Variants in NHSL2 observed in about 807,000 individuals in gnomAD.
NHSL2 encodes NHS-like protein 2.
Under a neutral mutation model 53.4 loss-of-function variants are expected in NHSL2, and 27 were observed. That is an observed-to-expected ratio of 0.51 (90% CI 0.37 to 0.70). The LOEUF is 0.70. NHSL2 is among the 30% of genes least tolerant of loss of function. The pLI, the probability that NHSL2 is intolerant of heterozygous loss-of-function variation, is 0.00. For missense variants in NHSL2, 892 were observed against 980.1 expected (o/e 0.91, Z 1.20); for synonymous variants, 408 against 404.1 (o/e 1.01, Z -0.12).
intron 1 of NHSL2, among the ~76,000 whole-genome samples, chrX:72,009,723 A>G (rs2042108442): frequency 8.9e-6 from 1 of 112,378 alleles, no homozygotes; most frequent in Non-Finnish European, 1.9e-5. Flanking sequence ...TCCCTTGCCT[A>G]TCGTTGGCTC....
At chrX:71,935,002 CG>C (rs1460908464) in intron 1 of NHSL2, among the ~76,000 whole-genome samples, 1 of 110,901 alleles carries the variant, frequency 9.0e-6, no homozygotes, top group African/African-American at 3.3e-5. Flanking sequence ...CTGGCAGGAC[CG>C]TTTTTTTGTT....
intron 1 of NHSL2, among the ~76,000 whole-genome samples, chrX:71,943,970 A>G (rs1037240663): frequency 1.8e-5 from 2 of 112,018 alleles, no homozygotes; most frequent in Non-Finnish European, 3.8e-5. Context: ...AAGAAGGAGC[A>G]AAGGTTTTCT....
chrX:71,950,191 C>T (rs758491322), intron 1 of NHSL2, among the ~76,000 whole-genome samples: 68 of 113,077 alleles, frequency 6.0e-4, no homozygotes, highest in African/African-American at 2.1e-3. Flanking sequence ...TTTGTCCAGC[C>T]AGGGGCATAC....
chrX:72,131,599 G>C (rs953539445), intron 1 of NHSL2: 1 of 1,084,185 alleles, frequency 9.2e-7, no homozygotes, highest in Admixed American at 3.2e-5. Flanking sequence ...TGGAACTACG[G>C]GCGGCCGGAG....
intron 1 of NHSL2, among the ~76,000 whole-genome samples, chrX:71,963,960 C>T (rs77479319): frequency 0.48 from 2,276 of 4,701 alleles, 135 homozygotes; most frequent in East Asian, 0.65. Flanking sequence ...TATATATATA[C>T]ACATATATAT....
intron 1 of NHSL2, among the ~76,000 whole-genome samples, chrX:72,066,577 A>T (rs1182744669): frequency 1.8e-5 from 2 of 111,392 alleles, no homozygotes; most frequent in African/African-American, 6.6e-5. Context: ...AGAAGCTCAG[A>T]TGAGAAGAGG....
intron 1 of NHSL2, chrX:72,069,803 C>T: frequency 1.4e-6 from 1 of 719,362 alleles, no homozygotes. Flanking sequence ...GCCAGGGCCT[C>T]CCAGCTGCTG....
intron 1 of NHSL2, among the ~76,000 whole-genome samples, chrX:71,964,331 G>A (rs2041891643): frequency 9.5e-6 from 1 of 104,929 alleles, no homozygotes; most frequent in African/African-American, 3.5e-5. Flanking sequence ...TTCTGATCTT[G>A]TGATAGTTTG....
At position 72,140,237 on chromosome X, in the gene NHSL2, C is replaced by A. The variant is rs770283016; in HGVS notation, c.2689C>A (p.Leu897Ile). 1.2e-5 allele frequency: 14 copies of A among 1,210,137 alleles called. No individual in the cohort carries two copies. The highest frequency in any genetic ancestry group is 1.6e-5 in the Non-Finnish European group (14 of 894,852). The change falls in exon 6 of 8, where the codon CTA (leucine) becomes ATA (isoleucine). Residue 897 changes from leucine to isoleucine, a missense_variant. Coordinates refer to ENST00000633930, the MANE Select transcript of NHSL2 (RefSeq NM_001013627.3). Reference sequence around the variant, plus strand: ...ACCATCTGTTCCTGAGGAGTATGCACTAACTTCACCAACCTTGGCTATGCC... The same window carrying A: ...ACCATCTGTTCCTGAGGAGTATGCAATAACTTCACCAACCTTGGCTATGCC... ...KPPSVPEEYA[L>I]TSPTLAMPPR...
At chrX:72,048,843 G>A (rs2042320211) in intron 1 of NHSL2, among the ~76,000 whole-genome samples, 2 of 109,563 alleles carry the variant, frequency 1.8e-5, no homozygotes, top group Non-Finnish European at 3.8e-5. Context: ...AATATTCAAG[G>A]CCAGGCACAG....
chrX:72,096,037 CA>C (rs779694610), intron 1 of NHSL2, among the ~76,000 whole-genome samples: 1 of 109,640 alleles, frequency 9.1e-6, no homozygotes, highest in Non-Finnish European at 1.9e-5. Flanking sequence ...TTTCAGGTCA[CA>C]GGGGTAGACA....
chrX:71,933,524 G>A (rs1267036011), intron 1 of NHSL2, among the ~76,000 whole-genome samples: 1 of 111,620 alleles, frequency 9.0e-6, no homozygotes, highest in East Asian at 2.8e-4. Context: ...AGAAAATAAA[G>A]TAGTGAAAGA....
At chrX:72,085,141 C>T (rs978546948) in intron 1 of NHSL2, among the ~76,000 whole-genome samples, 2 of 111,439 alleles carry the variant, frequency 1.8e-5, no homozygotes, top group Non-Finnish European at 3.8e-5. Flanking sequence ...AAACAGAGAT[C>T]CAGGGTTTGC....
chrX:71,967,255 T>A (rs756605428), intron 1 of NHSL2, among the ~76,000 whole-genome samples: 1 of 111,550 alleles, frequency 9.0e-6, no homozygotes, highest in South Asian at 3.7e-4. Flanking sequence ...TTTGTTGATT[T>A]TTTCTCCAAT....
In NHSL2 at chrX:72,138,473, C is replaced by T. The variant is rs753757733; in HGVS notation, c.925C>T (p.His309Tyr). The change falls in exon 6 of 8, where the codon CAC (histidine) becomes TAC (tyrosine). Residue 309 changes from histidine to tyrosine, a missense_variant. Physicochemically the swap from His to Tyr is moderately conservative, Grantham distance 83 (BLOSUM62 2). Transcript: ENST00000633930. ...HSNSPAGSVA[H>Y]STTSDIRPSH... ...CAACAGCCCAGCAGGCAGTGTGGCC[C>T]ACTCTACCACCTCCGACATCAGGCC... is the stretch of plus-strand genomic sequence containing the variant. 11 of 1,156,821 alleles carry T rather than the reference C, an allele frequency of 9.5e-6. No homozygotes were observed. In the South Asian group the frequency reaches 1.8e-4, roughly 18 times the overall value.
chrX:72,059,204 G>A (rs1328450278), intron 1 of NHSL2, among the ~76,000 whole-genome samples: 4 of 110,588 alleles, frequency 3.6e-5, no homozygotes, highest in African/African-American at 1.3e-4. Flanking sequence ...CACCACCATG[G>A]TCTATTCTCC....
intron 1 of NHSL2, among the ~76,000 whole-genome samples, chrX:71,954,591 C>T (rs1010781639): frequency 8.9e-6 from 1 of 112,237 alleles, no homozygotes; most frequent in Non-Finnish European, 1.9e-5. Flanking sequence ...AGTTGGCTGT[C>T]AGGATGTGGC....
chrX:72,129,544 A>T, intron 1 of NHSL2: 1 of 323,199 alleles, frequency 3.1e-6, no homozygotes, highest in South Asian at 8.6e-5. Context: ...CATTTATGGG[A>T]ACAGGCCCAG....
intron 1 of NHSL2, among the ~76,000 whole-genome samples, chrX:72,034,297 A>G (rs1177218108): frequency 1.8e-5 from 2 of 112,502 alleles, no homozygotes; most frequent in South Asian, 3.6e-4. Context: ...GTCATGGTGT[A>G]TAATTCTTTT....
Sources: allele counts gnomAD v4.1 joint callset (sites outside exome capture counted in the v4.1 genomes callset), GRCh38; gene constraint gnomAD v4.1.1; transcripts MANE v1.5; gene names NCBI Gene and HGNC (gene_info 2026-07-23, HGNC 2026-07-21).